Variants in DDX10 observed in about 807,000 individuals in gnomAD.
The protein encoded by DDX10 is probable ATP-dependent RNA helicase DDX10.
A neutral mutation model predicts 104.3 loss-of-function variants in DDX10; 74 were observed. That is an observed-to-expected ratio of 0.71 (90% CI 0.59 to 0.86). The LOEUF is 0.86. Among genes scored for constraint, DDX10 ranks in the 40% least tolerant of loss-of-function variants. The pLI, the probability that DDX10 is intolerant of heterozygous loss-of-function variation, is 0.00. For synonymous variants in DDX10, 351 were observed against 353.4 expected (o/e 0.99, Z 0.08); for missense variants, 952 against 1,040.0 (o/e 0.92, Z 1.16).
At chr11:108,789,568 A>C (rs1861842926) in intron 13 of DDX10, among the ~76,000 whole-genome samples, 1 of 152,232 alleles carries the variant, frequency 6.6e-6, no homozygotes, top group Admixed American at 6.5e-5. Context: ...CATATGCAGT[A>C]AAGTGACATC....
intron 16 of DDX10, among the ~76,000 whole-genome samples, chr11:108,911,556 CTTTTTTTTTTTTTT>C (rs869132450): frequency 1.7e-4 from 11 of 63,760 alleles, no homozygotes; most frequent in East Asian, 4.9e-4. Context: ...GCCTCCTCTT[CTTTTTTTTTTTTTT>C]TTTTTTTTTT....
intron 13 of DDX10, among the ~76,000 whole-genome samples, chr11:108,788,349 A>G (rs1392087486): frequency 6.6e-6 from 1 of 151,338 alleles, no homozygotes; most frequent in East Asian, 1.9e-4. Flanking sequence ...CAGAATCTTT[A>G]TTTGTAGCTA....
intron 15 of DDX10, among the ~76,000 whole-genome samples, chr11:108,844,284 T>C (rs2134598599): frequency 6.6e-6 from 1 of 152,184 alleles, no homozygotes; most frequent in Non-Finnish European, 1.5e-5. Flanking sequence ...AACAAAGAAA[T>C]AATTAGAATA....
intron 14 of DDX10, among the ~76,000 whole-genome samples, chr11:108,840,275 T>A (rs1303748223): frequency 1.3e-5 from 2 of 152,192 alleles, no homozygotes. Flanking sequence ...GAAGAATGGT[T>A]ATGGTGGCCA....
At chr11:108,761,423 T>C (rs2094350732) in intron 13 of DDX10, among the ~76,000 whole-genome samples, 1 of 152,132 alleles carries the variant, frequency 6.6e-6, no homozygotes. Flanking sequence ...TGGTCCTCTT[T>C]GATTCAGGAC....
intron 13 of DDX10, among the ~76,000 whole-genome samples, chr11:108,807,894 A>ATGG (rs1157615377): frequency 2.6e-5 from 4 of 152,186 alleles, no homozygotes; most frequent in African/African-American, 9.7e-5. Context: ...AGGAAAAGAG[A>ATGG]TGGATCCATA....
chr11:108,857,600 G>A (rs974983430), intron 16 of DDX10, among the ~76,000 whole-genome samples: 2 of 152,100 alleles, frequency 1.3e-5, no homozygotes, highest in Admixed American at 6.6e-5. Context: ...AGGCTTTCTG[G>A]CTCACAGTTG....
chr11:108,809,437 T>C (rs17108579), intron 13 of DDX10, among the ~76,000 whole-genome samples: 20,900 of 152,190 alleles, frequency 0.14, 1,579 homozygotes, highest in East Asian at 0.25. Context: ...AACAAGCTGC[T>C]CTGTAAAGCG....
At chr11:108,844,195 G>C (rs1322149069) in intron 15 of DDX10, among the ~76,000 whole-genome samples, 1 of 151,964 alleles carries the variant, frequency 6.6e-6, no homozygotes, top group Non-Finnish European at 1.5e-5. Flanking sequence ...TCTATTTTAA[G>C]GAAAATAGGT....
chr11:108,667,912 T>A (rs905948180), intron 1 of DDX10, among the ~76,000 whole-genome samples: 19 of 152,266 alleles, frequency 1.2e-4, no homozygotes, highest in Middle Eastern at 3.4e-3. Flanking sequence ...TTAACTTTTT[T>A]AAAAAAACTC....
intron 7 of DDX10, among the ~76,000 whole-genome samples, chr11:108,690,121 G>A (rs555673058): frequency 6.6e-6 from 1 of 152,044 alleles, no homozygotes; most frequent in Non-Finnish European, 1.5e-5. Context: ...TCTCCTGGGA[G>A]CATTCCTCAA....
chr11:108,847,869 A>G (rs1862739914), intron 15 of DDX10, among the ~76,000 whole-genome samples: 2 of 152,228 alleles, frequency 1.3e-5, no homozygotes, highest in Admixed American at 6.5e-5. Context: ...AAGACTTAGA[A>G]GGGTCAAGTA....
At chr11:108,899,197 G>A (rs943051661) in intron 16 of DDX10, among the ~76,000 whole-genome samples, 3 of 151,764 alleles carry the variant, frequency 2.0e-5, no homozygotes, top group Admixed American at 6.6e-5. Context: ...TTTCTCTGCA[G>A]TAGTTCTGGA....
At chr11:108,879,694 C>G (rs1172529933) in intron 16 of DDX10, among the ~76,000 whole-genome samples, 1 of 152,160 alleles carries the variant, frequency 6.6e-6, no homozygotes, top group Non-Finnish European at 1.5e-5. Flanking sequence ...TCTGATGACT[C>G]TCACCAGCTC....
chr11:108,780,438 G>A (rs1278765128), intron 13 of DDX10, among the ~76,000 whole-genome samples: 2 of 151,974 alleles, frequency 1.3e-5, no homozygotes, highest in African/African-American at 4.8e-5. Flanking sequence ...TTTCTTCTCT[G>A]TGCTTCCCTA....
chr11:108,906,943 G>T (rs1863604307), intron 16 of DDX10, among the ~76,000 whole-genome samples: 2 of 152,198 alleles, frequency 1.3e-5, no homozygotes, highest in Non-Finnish European at 2.9e-5. Flanking sequence ...GGCATACTGT[G>T]TCTCAGATTA....
intron 13 of DDX10, among the ~76,000 whole-genome samples, chr11:108,787,272 A>G (rs1591818103): frequency 6.6e-6 from 1 of 152,098 alleles, no homozygotes; most frequent in East Asian, 1.9e-4. Context: ...GCTGCCTTTC[A>G]GGTTTTTTTC....
In DDX10 at chr11:108,807,130, A is replaced by C. The variant is rs530803706; in HGVS notation, c.1966-31316A>C. 7.2e-5 allele frequency among the ~76,000 whole-genome samples: 11 copies of C among 152,250 alleles called. No homozygotes were observed. In the South Asian group the frequency reaches 2.3e-3, roughly 32 times the overall value. ...GAAATATATTTCTGAGATAGAATTG[A>C]TAGGATTTCCTAATGAATTAGAGAT... On this transcript the variant is annotated intron_variant, in intron 13 of 17. Coordinates refer to ENST00000322536, the MANE Select transcript of DDX10 (RefSeq NM_004398.4).
At chr11:108,817,933 G>A (rs1041637847) in intron 13 of DDX10, among the ~76,000 whole-genome samples, 3 of 152,194 alleles carry the variant, frequency 2.0e-5, no homozygotes, top group African/African-American at 7.2e-5. Flanking sequence ...GAGACAACAT[G>A]CTGCTACTTT....
Sources: allele counts gnomAD v4.1 joint callset (sites outside exome capture counted in the v4.1 genomes callset), GRCh38; gene constraint gnomAD v4.1.1; transcripts MANE v1.5; gene names NCBI Gene and HGNC (gene_info 2026-07-23, HGNC 2026-07-21).